CSMD3: variants seen among roughly 807,000 people sequenced by gnomAD.
CSMD3 encodes the protein CUB and Sushi multiple domains 3, also known as CUB and sushi domain-containing protein 3.
Under a neutral mutation model 435.2 loss-of-function variants are expected in CSMD3, and 177 were observed. That is an observed-to-expected ratio of 0.41 (90% CI 0.36 to 0.46). The LOEUF is 0.46. Among genes scored for constraint, CSMD3 ranks in the 20% least tolerant of loss-of-function variants. The pLI, the probability that CSMD3 is intolerant of heterozygous loss-of-function variation, is 0.34. For missense variants in CSMD3, 4,265 were observed against 4,504.6 expected (o/e 0.95, Z 1.52); for synonymous variants, 1,656 against 1,520.5 (o/e 1.09, Z -2.07).
At chr8:113,353,310 T>C (rs1218115767) in intron 1 of CSMD3, among the ~76,000 whole-genome samples, 3 of 149,734 alleles carry the variant, frequency 2.0e-5, no homozygotes, top group Non-Finnish European at 4.5e-5. Flanking sequence ...CTACTCATAT[T>C]TTTTTAAAAA....
At position 112,357,141 on chromosome 8, in the gene CSMD3, A is replaced by G. The variant is rs1826695969; in HGVS notation, c.6137-4607T>C. ...TGACAAAAATGCTGATAGTGATATG[A>G]AGGGTAAGTTCCAGTCTGAGGTGGT... On this transcript the variant is annotated intron_variant, in intron 38 of 70. Coordinates refer to ENST00000297405, the MANE Select transcript of CSMD3 (RefSeq NM_198123.2). 2.6e-5 allele frequency among the ~76,000 whole-genome samples: 4 copies of G among 152,094 alleles called. No individual in the cohort carries two copies. In the South Asian group the frequency reaches 8.3e-4, roughly 31 times the overall value.
chr8:112,343,021 A>ATT (rs1825323514), intron 41 of CSMD3, among the ~76,000 whole-genome samples: 1 of 133,924 alleles, frequency 7.5e-6, no homozygotes, highest in African/African-American at 2.7e-5. Context: ...ATATATTTAT[A>ATT]TATATATATA....
intron 1 of CSMD3, among the ~76,000 whole-genome samples, chr8:113,385,131 T>G (rs1376701298): frequency 6.6e-6 from 1 of 152,124 alleles, no homozygotes; most frequent in Non-Finnish European, 1.5e-5. Flanking sequence ...GAGTCAATTT[T>G]CTGAAAACCC....
At chr8:113,356,911 AT>A (rs569669742) in intron 1 of CSMD3, among the ~76,000 whole-genome samples, 3 of 152,192 alleles carry the variant, frequency 2.0e-5, no homozygotes, top group Non-Finnish European at 2.9e-5. Flanking sequence ...ACATAAAAAT[AT>A]TTTTTTCTGA....
chr8:113,019,885 C>T (rs922875004), intron 5 of CSMD3, among the ~76,000 whole-genome samples: 16 of 151,904 alleles, frequency 1.1e-4, no homozygotes, highest in African/African-American at 3.6e-4. Flanking sequence ...TAATTCTGGC[C>T]GGGCGCGGTG....
intron 6 of CSMD3, among the ~76,000 whole-genome samples, chr8:113,001,943 G>A (rs1356460939): frequency 1.3e-5 from 2 of 151,940 alleles, no homozygotes; most frequent in Non-Finnish European, 2.9e-5. Flanking sequence ...TGACTACTCT[G>A]GGCAGGTCAC....
Position 112,244,520 on chromosome 8 carries a change from C to G in CSMD3, c.10276G>C (p.Asp3426His), listed in dbSNP as rs745869509. 4 of 1,613,846 alleles carry G rather than the reference C, an allele frequency of 2.5e-6. No individual in the cohort carries two copies. Among genetic ancestry groups the G allele is most frequent in the Non-Finnish European group, 3.4e-6 (4 of 1,179,820 alleles). The change falls in exon 65 of 71, where the codon GAC (aspartate) becomes CAC (histidine). Residue 3426 changes from aspartate to histidine, a missense_variant. Asp to His is a moderately conservative substitution (Grantham distance 81, BLOSUM62 -1). Around this residue, in one of 3 missense-constraint regions of CSMD3, gnomAD observed 3,255 missense variants for 3,380.2 expected, o/e 0.96. Coordinates refer to ENST00000297405, the MANE Select transcript of CSMD3 (RefSeq NM_198123.2). ...AGTGTATACCCATGAGATGGAAGGT[C>G]CATCCCTACGACATTTGCATGAGCA... ...TPAHANVVGM[D>H]LPSHGYTLIY... is the part of the protein sequence containing the mutation.
chr8:113,390,390 ATT>A (rs973442112), intron 1 of CSMD3, among the ~76,000 whole-genome samples: 11 of 151,836 alleles, frequency 7.2e-5, no homozygotes, highest in African/African-American at 2.7e-4. Flanking sequence ...TTGAAGAAAT[ATT>A]TTTATACTTT....
intron 5 of CSMD3, among the ~76,000 whole-genome samples, chr8:113,092,625 G>A (rs1302751899): frequency 6.6e-6 from 1 of 152,088 alleles, no homozygotes; most frequent in Non-Finnish European, 1.5e-5. Context: ...GGTAGCTGAT[G>A]ACTGCCATTT....
chr8:113,339,724 AT>A (rs1422887006), intron 1 of CSMD3, among the ~76,000 whole-genome samples: 1 of 151,998 alleles, frequency 6.6e-6, no homozygotes, highest in African/African-American at 2.4e-5. Flanking sequence ...TTCATTAAAA[AT>A]CTTTATTGCA....
At chr8:112,297,479 G>A (rs562605831) in intron 53 of CSMD3, among the ~76,000 whole-genome samples, 1 of 152,076 alleles carries the variant, frequency 6.6e-6, no homozygotes, top group Admixed American at 6.5e-5. Flanking sequence ...AAAATTCTAT[G>A]TAATTATTTC....
chr8:112,401,846 G>A (rs1387178883), intron 35 of CSMD3, among the ~76,000 whole-genome samples: 1 of 152,082 alleles, frequency 6.6e-6, no homozygotes, highest in African/African-American at 2.4e-5. Context: ...AATGCTTTCA[G>A]CCTTTTCCAA....
At chr8:113,401,029 TA>T (rs1458232328) in intron 1 of CSMD3, among the ~76,000 whole-genome samples, 1 of 151,444 alleles carries the variant, frequency 6.6e-6, no homozygotes, top group African/African-American at 2.4e-5. Context: ...TGTAAAACAG[TA>T]GAAATATAAT....
chr8:113,085,850 G>C (rs1321651759), intron 5 of CSMD3, among the ~76,000 whole-genome samples: 2 of 152,142 alleles, frequency 1.3e-5, no homozygotes, highest in African/African-American at 4.8e-5. Flanking sequence ...ATAAATTCTA[G>C]TGTTCTAGAA....
chr8:112,664,521 C>T (rs755518778), intron 17 of CSMD3, among the ~76,000 whole-genome samples: 12 of 152,064 alleles, frequency 7.9e-5, no homozygotes, highest in Non-Finnish European at 1.5e-4. Context: ...GCAACAACAA[C>T]AACAAAATGC....
At chr8:112,713,433 G>C (rs2076653154) in intron 13 of CSMD3, among the ~76,000 whole-genome samples, 2 of 151,124 alleles carry the variant, frequency 1.3e-5, no homozygotes, top group Non-Finnish European at 3.0e-5. Context: ...TATGTAAAAA[G>C]ACCGAACCTA....
chr8:113,106,935 T>C (rs117745065), intron 4 of CSMD3, among the ~76,000 whole-genome samples: 292 of 152,346 alleles, frequency 1.9e-3, no homozygotes, highest in Non-Finnish European at 3.1e-3. Flanking sequence ...CCTTTTAGTA[T>C]ATTCAGAGTT....
At chr8:112,379,324 C>T (rs1829252398) in intron 38 of CSMD3, among the ~76,000 whole-genome samples, 1 of 151,986 alleles carries the variant, frequency 6.6e-6, no homozygotes, top group African/African-American at 2.4e-5. Flanking sequence ...ATAAAATTAG[C>T]TGGGAGTGGT....
chr8:112,353,843 C>T (rs1037724170), intron 38 of CSMD3, among the ~76,000 whole-genome samples: 1 of 152,100 alleles, frequency 6.6e-6, no homozygotes, highest in Non-Finnish European at 1.5e-5. Context: ...CTAACTCGTT[C>T]TACAAAGGCC....
Sources: allele counts gnomAD v4.1 joint callset (sites outside exome capture counted in the v4.1 genomes callset), GRCh38; gene constraint gnomAD v4.1.1; regional missense constraint gnomAD v4.1.1; transcripts MANE v1.5; gene names NCBI Gene and HGNC (gene_info 2026-07-23, HGNC 2026-07-21).